SGCD: variants seen among roughly 807,000 people sequenced by gnomAD.
SGCD encodes delta-sarcoglycan.
Under a neutral mutation model 36.6 loss-of-function variants are expected in SGCD, and 18 were observed. The observed-to-expected ratio is 0.49, with a 90% CI of 0.34 to 0.73. The LOEUF (loss-of-function observed/expected upper bound fraction) is 0.73. Ranked by LOEUF, SGCD falls within the 30% of genes least tolerant of loss-of-function variation. The probability of loss-of-function intolerance (pLI) is 0.01; values close to 1 mark genes in which losing one functional copy is unlikely to be tolerated. For missense variants in SGCD, 387 were observed against 346.7 expected (o/e 1.12, Z -0.92); for synonymous variants, 133 against 130.6 (o/e 1.02, Z -0.12).
chr5:156,078,443 G>A (rs1410530293), intron 1 of SGCD, among the ~76,000 whole-genome samples: 1 of 149,988 alleles, frequency 6.7e-6, no homozygotes, highest in Non-Finnish European at 1.5e-5. Context: ...AACTTGGGAG[G>A]CAGAGGTTGC....
At chr5:156,572,298 C>G (rs114923475) in intron 4 of SGCD, among the ~76,000 whole-genome samples, 1 of 152,084 alleles carries the variant, frequency 6.6e-6, no homozygotes, top group African/African-American at 2.4e-5. Context: ...GGGAATTCCA[C>G]GCTTAACTTA....
chr5:155,840,519 G>A, the SGCD span, among the ~76,000 whole-genome samples: 2 of 149,394 alleles, frequency 1.3e-5, no homozygotes, highest in Admixed American at 1.3e-4. Flanking sequence ...TTGATGTCCT[G>A]ACCTCGTGAT....
At chr5:156,265,552 C>A (rs1282152613) in intron 3 of SGCD, among the ~76,000 whole-genome samples, 1 of 151,460 alleles carries the variant, frequency 6.6e-6, no homozygotes, top group African/African-American at 2.4e-5. Flanking sequence ...GAGCTCATAG[C>A]CTTAAGAAAA....
intron 1 of SGCD, among the ~76,000 whole-genome samples, chr5:156,012,144 A>G (rs2127570999): frequency 6.6e-6 from 1 of 152,352 alleles, no homozygotes; most frequent in Middle Eastern, 3.4e-3. Flanking sequence ...ACCTATGACA[A>G]TGGATCTCTA....
At chr5:156,431,362 A>C (rs1753003479) in intron 3 of SGCD, among the ~76,000 whole-genome samples, 1 of 151,866 alleles carries the variant, frequency 6.6e-6, no homozygotes, top group African/African-American at 2.4e-5. Flanking sequence ...CTCATCCTGG[A>C]TTGTTCCAGG....
chr5:156,221,176 T>G (rs1764708763), intron 3 of SGCD, among the ~76,000 whole-genome samples: 1 of 151,972 alleles, frequency 6.6e-6, no homozygotes, highest in East Asian at 1.9e-4. Flanking sequence ...GAACAGAAAT[T>G]TATTGGGTTA....
At chr5:155,895,597 A>C (rs2113326300) in intron 1 of SGCD, among the ~76,000 whole-genome samples, 1 of 152,288 alleles carries the variant, frequency 6.6e-6, no homozygotes, top group South Asian at 2.1e-4. Context: ...CATTTAAATA[A>C]ATACATTTGG....
chr5:155,920,490 G>A (rs150239262), intron 1 of SGCD, among the ~76,000 whole-genome samples: 1 of 152,142 alleles, frequency 6.6e-6, no homozygotes, highest in Admixed American at 6.6e-5. Flanking sequence ...GGAGTTGAAT[G>A]TGGAAGATTT....
At chr5:156,535,082 C>G (rs1333210643) in intron 4 of SGCD, among the ~76,000 whole-genome samples, 1 of 152,150 alleles carries the variant, frequency 6.6e-6, no homozygotes, top group Non-Finnish European at 1.5e-5. Context: ...TCTCTTTTTT[C>G]CAGAAGCCAA....
chr5:156,297,313 A>G (rs1766921981), intron 3 of SGCD, among the ~76,000 whole-genome samples: 1 of 152,092 alleles, frequency 6.6e-6, no homozygotes, highest in African/African-American at 2.4e-5. Flanking sequence ...ACTATAAATC[A>G]TGCTGCTATA....
intron 3 of SGCD, among the ~76,000 whole-genome samples, chr5:156,197,077 T>C (rs1310200660): frequency 6.6e-6 from 1 of 152,226 alleles, no homozygotes. Context: ...GTCAGATATT[T>C]ATGTTGTTTT....
chr5:156,279,530 A>G (rs180720105), intron 3 of SGCD, among the ~76,000 whole-genome samples: 105 of 152,340 alleles, frequency 6.9e-4, no homozygotes, highest in African/African-American at 2.4e-3. Flanking sequence ...ATGAATAGAC[A>G]GTTCAAAAAG....
chr5:155,744,243 C>T, the SGCD span, among the ~76,000 whole-genome samples: 6 of 152,044 alleles, frequency 3.9e-5, no homozygotes, highest in East Asian at 1.9e-4. Context: ...GGGCAGATCA[C>T]GAGGTCAGGA....
chr5:155,824,688 C>T, the SGCD span, among the ~76,000 whole-genome samples: 8 of 152,124 alleles, frequency 5.3e-5, no homozygotes, highest in Non-Finnish European at 8.8e-5. Context: ...GCCTGATTGG[C>T]GAGTGGTTAA....
At chr5:155,916,288 G>A (rs566287332) in intron 1 of SGCD, among the ~76,000 whole-genome samples, 7 of 152,242 alleles carry the variant, frequency 4.6e-5, no homozygotes, top group African/African-American at 1.7e-4. Flanking sequence ...AGAAAAGGTA[G>A]CTGTACTATA....
At chr5:156,017,171 AT>A (rs1759002223) in intron 1 of SGCD, among the ~76,000 whole-genome samples, 1 of 152,218 alleles carries the variant, frequency 6.6e-6, no homozygotes, top group African/African-American at 2.4e-5. Context: ...CCATCTAAAA[AT>A]ATCTTTGTAA....
chr5:156,056,382 A>G (rs899043877), intron 1 of SGCD, among the ~76,000 whole-genome samples: 2 of 145,636 alleles, frequency 1.4e-5, no homozygotes, highest in African/African-American at 4.9e-5. Flanking sequence ...AGGGGCCACA[A>G]GATTCCAAAC....
intron 4 of SGCD, among the ~76,000 whole-genome samples, chr5:156,509,694 C>G (rs1756851020): frequency 6.6e-6 from 1 of 152,188 alleles, no homozygotes; most frequent in Non-Finnish European, 1.5e-5. Context: ...CCATTATTTC[C>G]TACCTAAGCT....
chr5:156,292,443 A>T (rs1766782441), intron 3 of SGCD, among the ~76,000 whole-genome samples: 2 of 152,088 alleles, frequency 1.3e-5, no homozygotes, highest in Middle Eastern at 3.2e-3. Flanking sequence ...ATATATCAGA[A>T]TTTCCTTCCT....
Sources: allele counts gnomAD v4.1 joint callset (sites outside exome capture counted in the v4.1 genomes callset), GRCh38; gene constraint gnomAD v4.1.1; transcripts MANE v1.5; gene names NCBI Gene and HGNC (gene_info 2026-07-23, HGNC 2026-07-21).